INPP4B: variants seen among roughly 807,000 people sequenced by gnomAD.
The protein encoded by INPP4B is inositol polyphosphate 4-phosphatase type II.
In INPP4B, 55 loss-of-function variants were observed where a neutral mutation model predicts 122.5. The observed-to-expected ratio is 0.45, with a 90% confidence interval of 0.36 to 0.56. The LOEUF (loss-of-function observed/expected upper bound fraction) is 0.56, where lower values mean the gene tolerates loss of function less well. Among genes scored for constraint, INPP4B ranks in the 20% least tolerant of loss-of-function variants. The pLI is 0.00. For synonymous variants in INPP4B, 403 were observed against 388.7 expected, an observed-to-expected ratio of 1.04 and a Z score of -0.43; for missense variants, 1,000 against 1,097.7, an observed-to-expected ratio of 0.91 and a Z score of 1.26.
At chr4:142,164,086 C>A (rs1416388407) in intron 16 of INPP4B, among the ~76,000 whole-genome samples, 5 of 151,758 alleles carry the variant, frequency 3.3e-5, no homozygotes, top group African/African-American at 7.2e-5. Context: ...TGTTTTCTAG[C>A]CTTCTGACAT....
intron 12 of INPP4B, among the ~76,000 whole-genome samples, chr4:142,231,531 A>G (rs1854373661): frequency 2.6e-5 from 4 of 152,232 alleles, no homozygotes; most frequent in Admixed American, 2.6e-4. Context: ...TTTGTAATAT[A>G]TAGTTTGACT....
At chr4:142,777,094 A>G (rs1035749529) in intron 1 of INPP4B, among the ~76,000 whole-genome samples, 1 of 152,162 alleles carries the variant, frequency 6.6e-6, no homozygotes, top group African/African-American at 2.4e-5. Flanking sequence ...GTCTGTGTTA[A>G]GGCAGTGGCT....
chr4:142,252,338 G>A (rs1443540775), intron 11 of INPP4B, among the ~76,000 whole-genome samples: 1 of 151,408 alleles, frequency 6.6e-6, no homozygotes, highest in African/African-American at 2.4e-5. Flanking sequence ...ACAGGCGCCC[G>A]CTACCACGCC....
intron 1 of INPP4B, among the ~76,000 whole-genome samples, chr4:142,760,055 T>G (rs539151056): frequency 6.6e-6 from 1 of 152,200 alleles, no homozygotes; most frequent in African/African-American, 2.4e-5. Flanking sequence ...TGGCATTTTT[T>G]ATGATATTTT....
At chr4:142,798,722 A>G (rs1368682809) in intron 1 of INPP4B, among the ~76,000 whole-genome samples, 1 of 151,900 alleles carries the variant, frequency 6.6e-6, no homozygotes, top group African/African-American at 2.4e-5. Flanking sequence ...AAACTACTAT[A>G]TTTCACAGTA....
At position 142,177,037 on chromosome 4, in the gene INPP4B, C is replaced by T. The variant is rs139021443; in HGVS notation, c.1182-3228G>A. 2.9e-3 allele frequency among the ~76,000 whole-genome samples: 440 copies of T among 152,246 alleles called. 2 individuals carry two copies. Among genetic ancestry groups the T allele is most frequent in the African/African-American group, 9.8e-3 (406 of 41,552 alleles). ...TCCCTCCCAATATATTCCCTTTCCT[C>T]TCCCCAATACATTCTTCAATCACCA... On this transcript the variant is annotated intron_variant, in intron 15 of 25. Transcript: ENST00000262992.
At chr4:142,528,979 G>A (rs545923708) in intron 2 of INPP4B, among the ~76,000 whole-genome samples, 2 of 152,190 alleles carry the variant, frequency 1.3e-5, no homozygotes, top group Admixed American at 1.3e-4. Flanking sequence ...CCTGTAACTG[G>A]CAGCAGTGTC....
chr4:142,644,740 TAAAAAAAAA>T (rs55700762), intron 2 of INPP4B, among the ~76,000 whole-genome samples: 10 of 71,068 alleles, frequency 1.4e-4, no homozygotes, highest in East Asian at 7.2e-4. Context: ...CATCTCTACT[TAAAAAAAAA>T]AAAAAAAAAA....
At chr4:142,729,183 G>GGGGA (rs1476985168) in intron 1 of INPP4B, among the ~76,000 whole-genome samples, 1 of 152,156 alleles carries the variant, frequency 6.6e-6, no homozygotes, top group African/African-American at 2.4e-5. Context: ...GTAACAAGAT[G>GGGGA]GGGAGCTCAG....
chr4:142,206,431 T>C (rs1359929906), intron 14 of INPP4B, among the ~76,000 whole-genome samples: 1 of 151,702 alleles, frequency 6.6e-6, no homozygotes, highest in Non-Finnish European at 1.5e-5. Flanking sequence ...TTTCATATAC[T>C]TGATCACCAA....
At chr4:142,760,493 C>G (rs748947121) in intron 1 of INPP4B, among the ~76,000 whole-genome samples, 1 of 152,022 alleles carries the variant, frequency 6.6e-6, no homozygotes, top group Non-Finnish European at 1.5e-5. Context: ...CATGTAAAAG[C>G]CTGCAAAACC....
At chr4:142,806,788 A>AAAGAAAGAAAGAAAG in intron 1 of INPP4B, among the ~76,000 whole-genome samples, 2 of 105,828 alleles carry the variant, frequency 1.9e-5, no homozygotes, top group Non-Finnish European at 4.1e-5. Context: ...AGAAAGAAGG[A>AAAGAAAGAAAGAAAG]AAGAAAGAAA....
At chr4:142,736,747 G>T (rs1236743854) in intron 1 of INPP4B, among the ~76,000 whole-genome samples, 4 of 152,174 alleles carry the variant, frequency 2.6e-5, no homozygotes, top group Admixed American at 2.0e-4. Context: ...TCTGCAAACA[G>T]GGACAATTTG....
intron 2 of INPP4B, among the ~76,000 whole-genome samples, chr4:142,694,022 T>C (rs1007938979): frequency 6.6e-6 from 1 of 152,078 alleles, no homozygotes; most frequent in Non-Finnish European, 1.5e-5. Context: ...GGCTCTAATT[T>C]ATTGGTTTAA....
chr4:142,589,242 G>A (rs1736910139), intron 2 of INPP4B, among the ~76,000 whole-genome samples: 1 of 151,988 alleles, frequency 6.6e-6, no homozygotes, highest in Admixed American at 6.6e-5. Flanking sequence ...ATTTGGTGGT[G>A]AGTTCTTAGA....
intron 1 of INPP4B, among the ~76,000 whole-genome samples, chr4:142,828,512 A>G (rs186419266): frequency 6.6e-6 from 1 of 152,174 alleles, no homozygotes; most frequent in African/African-American, 2.4e-5. Context: ...CTCTACTTAG[A>G]CAGAGAAGGC....
intron 1 of INPP4B, among the ~76,000 whole-genome samples, chr4:142,783,919 T>A (rs1167970710): frequency 2.0e-5 from 3 of 152,064 alleles, no homozygotes. Context: ...CTATAAAGAA[T>A]GAGATAAATT....
At chr4:142,608,375 C>A (rs2150326630) in intron 2 of INPP4B, among the ~76,000 whole-genome samples, 1 of 152,258 alleles carries the variant, frequency 6.6e-6, no homozygotes, top group South Asian at 2.1e-4. Flanking sequence ...TAAAAACAAA[C>A]ATGATAATGT....
intron 2 of INPP4B, among the ~76,000 whole-genome samples, chr4:142,611,825 T>C (rs1012510846): frequency 1.3e-5 from 2 of 151,620 alleles, no homozygotes; most frequent in Non-Finnish European, 2.9e-5. Context: ...CACGCCACCA[T>C]GCCTGGCTAA....
Sources: allele counts gnomAD v4.1 joint callset (sites outside exome capture counted in the v4.1 genomes callset), GRCh38; gene constraint gnomAD v4.1.1; transcripts MANE v1.5; gene names NCBI Gene and HGNC (gene_info 2026-07-23, HGNC 2026-07-21).